The following DOK5 variants were observed in gnomAD, a reference collection of about 807,000 sequenced individuals.
DOK5 encodes the protein docking protein 5.
In DOK5, 27 loss-of-function variants were observed where a neutral mutation model predicts 43.3. The ratio of observed to expected loss-of-function variants is 0.62; its 90% CI spans 0.46 to 0.86. The LOEUF is 0.86. Among genes scored for constraint, DOK5 ranks in the 40% least tolerant of loss-of-function variants. The pLI is 0.00. For missense variants in DOK5, 373 were observed against 392.9 expected (o/e 0.95, Z 0.43); for synonymous variants, 146 against 140.1 (o/e 1.04, Z -0.30).
At chr20:54,613,891 G>T (rs1465568131) in intron 6 of DOK5, among the ~76,000 whole-genome samples, 1 of 151,972 alleles carries the variant, frequency 6.6e-6, no homozygotes, top group East Asian at 1.9e-4. Flanking sequence ...CTACTCAGGA[G>T]GCTGAGGCAG....
At chr20:54,555,165 A>G in intron 2 of DOK5, 125 bp downstream of exon 2, 2 of 650,412 alleles carry the variant, frequency 3.1e-6, no homozygotes, top group Admixed American at 2.6e-5. Context: ...AGGACAAAAC[A>G]CCCCTAAAAT....
intron 5 of DOK5, among the ~76,000 whole-genome samples, chr20:54,592,948 A>C (rs1225745843): frequency 6.6e-6 from 1 of 151,922 alleles, no homozygotes; most frequent in Non-Finnish European, 1.5e-5. Flanking sequence ...ATGTTAAATA[A>C]AAATTGCTTG....
chr20:54,491,831 C>T (rs1982188131), intron 1 of DOK5, among the ~76,000 whole-genome samples: 1 of 151,988 alleles, frequency 6.6e-6, no homozygotes, highest in South Asian at 2.1e-4. Context: ...GTATCAGATC[C>T]CAAACAACTG....
At chr20:54,645,096 G>A (rs1979344650) in intron 7 of DOK5, among the ~76,000 whole-genome samples, 1 of 140,360 alleles carries the variant, frequency 7.1e-6, no homozygotes, top group African/African-American at 2.7e-5. Context: ...CAAGTTCCGC[G>A]CAAAAAAACT....
chr20:54,507,735 G>A (rs1410948284), intron 1 of DOK5, among the ~76,000 whole-genome samples: 1 of 152,150 alleles, frequency 6.6e-6, no homozygotes, highest in African/African-American at 2.4e-5. Context: ...ATAGAACTAG[G>A]CAAAGAACCT....
intron 6 of DOK5, among the ~76,000 whole-genome samples, chr20:54,630,825 T>C (rs982935665): frequency 2.0e-5 from 3 of 152,198 alleles, no homozygotes; most frequent in Admixed American, 1.3e-4. Context: ...TTTGAGTCAG[T>C]CTAAAATCTA....
At chr20:54,552,911 C>T (rs1422034123) in intron 1 of DOK5, among the ~76,000 whole-genome samples, 4 of 152,160 alleles carry the variant, frequency 2.6e-5, no homozygotes, top group East Asian at 3.8e-4. Flanking sequence ...AATTCCTCAC[C>T]CATCTGCCAG....
chr20:54,510,099 C>T lies in DOK5; in HGVS notation c.66+34087C>T, dbSNP rs544506633. On this transcript the variant is annotated intron_variant, in intron 1 of 7. Transcript: ENST00000262593. ...AAACCTGCACATCCTGCACATGTAC[C>T]GCAGAACTAAAAATAAGAATTAAAA... Among the ~76,000 whole-genome samples the T allele has an allele frequency of 1.2e-4, 19 of 152,094 alleles. No homozygotes were observed. In the East Asian group the frequency reaches 2.5e-3, roughly 20 times the overall value.
At chr20:54,641,436 A>G (rs965652780) in intron 6 of DOK5, among the ~76,000 whole-genome samples, 3 of 152,100 alleles carry the variant, frequency 2.0e-5, no homozygotes, top group African/African-American at 7.2e-5. Context: ...TTATGCCTGA[A>G]ACTACCATGC....
At chr20:54,479,281 A>G (rs1981567108) in intron 1 of DOK5, among the ~76,000 whole-genome samples, 1 of 152,230 alleles carries the variant, frequency 6.6e-6, no homozygotes, top group East Asian at 1.9e-4. Flanking sequence ...GTATCTTCAC[A>G]TCTGTATTCC....
intron 6 of DOK5, among the ~76,000 whole-genome samples, chr20:54,624,072 T>C (rs1987068080): frequency 6.6e-6 from 1 of 152,218 alleles, no homozygotes; most frequent in African/African-American, 2.4e-5. Context: ...CATGTGACTA[T>C]GAGGTAAGGC....
At chr20:54,618,062 C>T (rs1342092153) in intron 6 of DOK5, among the ~76,000 whole-genome samples, 3 of 152,184 alleles carry the variant, frequency 2.0e-5, no homozygotes, top group Non-Finnish European at 4.4e-5. Flanking sequence ...GGCAAGTAGA[C>T]ACTTGAGGCC....
At chr20:54,627,130 AT>A (rs1157917925) in intron 6 of DOK5, among the ~76,000 whole-genome samples, 1 of 152,194 alleles carries the variant, frequency 6.6e-6, no homozygotes, top group Non-Finnish European at 1.5e-5. Flanking sequence ...AGAATATCAG[AT>A]TTTTTGCCAT....
Position 54,518,588 on chromosome 20 carries a change from T to A in DOK5, c.67-36345T>A, listed in dbSNP as rs562602186. 5.0e-3 allele frequency among the ~76,000 whole-genome samples: 768 copies of A among 152,318 alleles called. 10 individuals carry two copies. Among genetic ancestry groups the A allele is most frequent in the African/African-American group, 0.018 (728 of 41,546 alleles). On this transcript the variant is annotated intron_variant, in intron 1 of 7. Coordinates refer to ENST00000262593, the MANE Select transcript of DOK5 (RefSeq NM_018431.5). ...TGAATAGTGCCGCAATAAACATACA[T>A]GTGCATGTGTCTTTATAGCAGCATG...
chr20:54,501,910 T>G (rs1446133585), intron 1 of DOK5, among the ~76,000 whole-genome samples: 1 of 152,242 alleles, frequency 6.6e-6, no homozygotes, highest in African/African-American at 2.4e-5. Flanking sequence ...AAATTTTATT[T>G]CCTCGGTTAA....
chr20:54,578,277 T>C (rs1311179917), intron 2 of DOK5, among the ~76,000 whole-genome samples: 1 of 152,122 alleles, frequency 6.6e-6, no homozygotes, highest in African/African-American at 2.4e-5. Flanking sequence ...TTAATACCCA[T>C]TTTTTTGAGA....
chr20:54,588,878 C>A, intron 4 of DOK5, 72 bp downstream of exon 4: 3 of 1,519,242 alleles, frequency 2.0e-6, no homozygotes, highest in Non-Finnish European at 2.7e-6. Flanking sequence ...CATAAGACAT[C>A]TTCATTATGT....
At chr20:54,588,662 T>C in intron 3 of DOK5, 25 bp from the exon 4 acceptor site, 1 of 1,614,052 alleles carries the variant, frequency 6.2e-7, no homozygotes, top group Non-Finnish European at 8.5e-7. Context: ...GGGCACACAG[T>C]TTAATCTTTT....
At chr20:54,640,327 G>T (rs867746354) in intron 6 of DOK5, among the ~76,000 whole-genome samples, 1 of 152,186 alleles carries the variant, frequency 6.6e-6, no homozygotes, top group Admixed American at 6.5e-5. Flanking sequence ...AGTGCTAACT[G>T]CTATTTCCAC....
Sources: gnomAD v4.1 joint callset for allele counts (sites outside exome capture counted in the v4.1 genomes callset) on GRCh38, gnomAD v4.1.1 for gene constraint, MANE v1.5 for transcripts, NCBI Gene and HGNC (gene_info 2026-07-23, HGNC 2026-07-21) for gene names.